Variants in CTNNA3 observed in about 807,000 individuals in gnomAD.
The protein encoded by CTNNA3 is catenin alpha-3.
A neutral mutation model predicts 95.7 loss-of-function variants in CTNNA3; 76 were observed. That is an observed-to-expected ratio of 0.79 (90% confidence interval 0.66 to 0.96). The LOEUF is 0.96. Among genes scored for constraint, CTNNA3 ranks in the 40% least tolerant of loss-of-function variants. The pLI, the probability that CTNNA3 is intolerant of heterozygous loss-of-function variation, is 0.00. For synonymous variants in CTNNA3, 431 were observed against 374.4 expected, an observed-to-expected ratio of 1.15 and a Z score of -1.74; for missense variants, 1,191 against 1,089.8, an observed-to-expected ratio of 1.09 and a Z score of -1.31.
At chr10:66,484,162 A>G (rs575481270) in intron 11 of CTNNA3, among the ~76,000 whole-genome samples, 12 of 134,932 alleles carry the variant, frequency 8.9e-5, no homozygotes, top group African/African-American at 4.1e-4. Flanking sequence ...GGAACTTATA[A>G]AAGAATCTGT....
intron 7 of CTNNA3, among the ~76,000 whole-genome samples, chr10:67,158,401 C>T (rs1045863892): frequency 3.3e-5 from 5 of 152,048 alleles, no homozygotes; most frequent in Admixed American, 1.3e-4. Flanking sequence ...CTAATAAAAC[C>T]GGTCAAGCTT....
intron 5 of CTNNA3, among the ~76,000 whole-genome samples, chr10:67,348,128 CACCATACATA>C (rs1474428483): frequency 6.6e-6 from 1 of 152,154 alleles, no homozygotes; most frequent in African/African-American, 2.4e-5. Flanking sequence ...TGAACCCTTA[CACCATACATA>C]ACATTCAACT....
At chr10:66,148,988 T>C (rs867665085) in intron 13 of CTNNA3, among the ~76,000 whole-genome samples, 2 of 151,444 alleles carry the variant, frequency 1.3e-5, no homozygotes, top group Middle Eastern at 3.5e-3. Flanking sequence ...TATATTTAGA[T>C]ATTTATGTAT....
intron 5 of CTNNA3, among the ~76,000 whole-genome samples, chr10:67,353,528 T>C (rs1211636400): frequency 6.6e-6 from 1 of 150,872 alleles, no homozygotes; most frequent in Non-Finnish European, 1.5e-5. Context: ...AAATTTGATG[T>C]TTACTTAGAA....
chr10:66,654,252 G>GA (rs1311956931), intron 9 of CTNNA3, among the ~76,000 whole-genome samples: 1 of 151,724 alleles, frequency 6.6e-6, no homozygotes, highest in African/African-American at 2.4e-5. Flanking sequence ...CTCCTCAATA[G>GA]AAAAAAACCC....
chr10:66,559,561 GC>G (rs1243529571), intron 10 of CTNNA3, among the ~76,000 whole-genome samples: 1 of 151,968 alleles, frequency 6.6e-6, no homozygotes, highest in Non-Finnish European at 1.5e-5. Flanking sequence ...CCTCCAATTA[GC>G]AGCTGAGATT....
chr10:66,092,994 A>G (rs909485555), intron 14 of CTNNA3, among the ~76,000 whole-genome samples: 3 of 151,966 alleles, frequency 2.0e-5, no homozygotes, highest in Admixed American at 2.0e-4. Context: ...TAATTTTTAC[A>G]TAGAACTTCC....
At chr10:67,745,965 G>A (rs192061949) in intron 1 of CTNNA3, among the ~76,000 whole-genome samples, 386 of 152,244 alleles carry the variant, frequency 2.5e-3, no homozygotes, top group African/African-American at 8.7e-3. Context: ...TTCATGGATT[G>A]GAAGAAATAA....
At chr10:67,670,826 T>A (rs1840416751) in intron 1 of CTNNA3, among the ~76,000 whole-genome samples, 1 of 152,200 alleles carries the variant, frequency 6.6e-6, no homozygotes, top group Admixed American at 6.5e-5. Flanking sequence ...CAATTAAACT[T>A]CCGTAACTTT....
At chr10:65,978,125 A>G (rs1343572962) in intron 16 of CTNNA3, among the ~76,000 whole-genome samples, 1 of 151,902 alleles carries the variant, frequency 6.6e-6, no homozygotes, top group Admixed American at 6.6e-5. Context: ...CCTGACTTCT[A>G]TAATCCCATG....
chr10:67,481,539 C>A (rs548549030), intron 5 of CTNNA3, among the ~76,000 whole-genome samples: 2 of 151,978 alleles, frequency 1.3e-5, no homozygotes, highest in Admixed American at 1.3e-4. Flanking sequence ...CTGCCCCACC[C>A]CACCAAAAGA....
chr10:66,585,377 T>C (rs1378897715), intron 10 of CTNNA3, among the ~76,000 whole-genome samples: 1 of 152,026 alleles, frequency 6.6e-6, no homozygotes, highest in Non-Finnish European at 1.5e-5. Flanking sequence ...AGACTTTCCT[T>C]CTTCTTTTAA....
rs188443120 is a variant in CTNNA3, at chr10:66,729,861, T to C, written c.1281+36403A>G. ...GGCTCATGCCTGTAATCCCAGCACT[T>C]TGGGAGGCTGAGGCGGGCGGATCAC... On this transcript the variant is annotated intron_variant, in intron 9 of 17. Transcript: ENST00000433211. Among the ~76,000 whole-genome samples the C allele has an allele frequency of 3.5e-3, 537 of 152,180 alleles. 4 individuals carry two copies. The highest frequency in any genetic ancestry group is 0.014 in the Middle Eastern group (4 of 294).
At chr10:67,318,135 T>G (rs1040750682) in intron 5 of CTNNA3, among the ~76,000 whole-genome samples, 3 of 152,160 alleles carry the variant, frequency 2.0e-5, no homozygotes, top group Admixed American at 2.0e-4. Flanking sequence ...TTTTACCCCC[T>G]ACTTACTCAG....
At chr10:66,826,096 G>A (rs912886027) in intron 7 of CTNNA3, among the ~76,000 whole-genome samples, 2 of 152,102 alleles carry the variant, frequency 1.3e-5, no homozygotes, top group African/African-American at 4.8e-5. Flanking sequence ...GTTACAAAAG[G>A]GCACTAGGAA....
intron 7 of CTNNA3, among the ~76,000 whole-genome samples, chr10:67,123,143 G>A (rs149609156): frequency 1.8e-3 from 269 of 152,194 alleles, no homozygotes; most frequent in Middle Eastern, 0.01. Context: ...ATCAGTGAAT[G>A]AGCACCATGC....
intron 7 of CTNNA3, among the ~76,000 whole-genome samples, chr10:67,110,781 A>C (rs888208190): frequency 1.3e-5 from 2 of 152,202 alleles, no homozygotes; most frequent in African/African-American, 4.8e-5. Flanking sequence ...GCTATAAATT[A>C]ATTACTCAAA....
At chr10:67,028,981 A>G (rs1173248460) in intron 7 of CTNNA3, among the ~76,000 whole-genome samples, 1 of 152,198 alleles carries the variant, frequency 6.6e-6, no homozygotes, top group Admixed American at 6.5e-5. Context: ...ATCAACAGCA[A>G]TCATATCGCA....
intron 7 of CTNNA3, among the ~76,000 whole-genome samples, chr10:66,939,144 T>C (rs2132672324): frequency 1.3e-5 from 2 of 152,234 alleles, no homozygotes; most frequent in South Asian, 4.2e-4. Context: ...CCTCCAACAC[T>C]CAGAAGCTGA....
Sources: gnomAD v4.1 joint callset for allele counts (sites outside exome capture counted in the v4.1 genomes callset) on GRCh38, gnomAD v4.1.1 for gene constraint, MANE v1.5 for transcripts, NCBI Gene and HGNC (gene_info 2026-07-23, HGNC 2026-07-21) for gene names.